KCNQ5: variants seen among roughly 807,000 people sequenced by gnomAD.
KCNQ5 encodes potassium voltage-gated channel subfamily KQT member 5.
A neutral mutation model predicts 98.2 loss-of-function variants in KCNQ5; 30 were observed. That is an observed-to-expected ratio of 0.31 (90% CI 0.23 to 0.41). The LOEUF is 0.41. Among genes scored for constraint, KCNQ5 ranks in the 10% least tolerant of loss-of-function variants. KCNQ5 has a pLI of 1.00. For missense variants in KCNQ5, 835 were observed against 1,182.5 expected, an observed-to-expected ratio of 0.71 and a Z score of 4.31; for synonymous variants, 458 against 449.4, an observed-to-expected ratio of 1.02 and a Z score of -0.24.
intron 1 of KCNQ5, among the ~76,000 whole-genome samples, chr6:72,715,215 GT>G (rs1769587350): frequency 1.3e-5 from 2 of 152,316 alleles, no homozygotes; most frequent in South Asian, 4.1e-4. Context: ...TTTCAGGCAA[GT>G]AATTGCAGGA....
intron 1 of KCNQ5, among the ~76,000 whole-genome samples, chr6:72,910,817 G>A (rs1462501093): frequency 6.6e-6 from 1 of 152,076 alleles, no homozygotes; most frequent in Non-Finnish European, 1.5e-5. Flanking sequence ...ATCTGACTTG[G>A]TACTCACTCT....
intron 1 of KCNQ5, among the ~76,000 whole-genome samples, chr6:72,872,136 A>G (rs1403650032): frequency 6.6e-6 from 1 of 152,240 alleles, no homozygotes; most frequent in African/African-American, 2.4e-5. Context: ...TAATAGCTTT[A>G]TCCAAACATG....
intron 1 of KCNQ5, among the ~76,000 whole-genome samples, chr6:72,687,913 A>G (rs1036372046): frequency 1.4e-5 from 2 of 145,438 alleles, no homozygotes; most frequent in Admixed American, 1.4e-4. Context: ...ATGTCGGCTC[A>G]TTGCAACCTC....
At chr6:73,155,442 T>C (rs939393020) in intron 10 of KCNQ5, among the ~76,000 whole-genome samples, 1 of 152,126 alleles carries the variant, frequency 6.6e-6, no homozygotes, top group Admixed American at 6.5e-5. Flanking sequence ...GTGTAGACGA[T>C]ACCCCTTGGG....
intron 1 of KCNQ5, among the ~76,000 whole-genome samples, chr6:72,667,953 G>T (rs1479726553): frequency 6.6e-6 from 1 of 152,182 alleles, no homozygotes; most frequent in African/African-American, 2.4e-5. Context: ...AGATTAAGGA[G>T]ATATGACGAA....
chr6:72,877,766 A>C (rs4591808), intron 1 of KCNQ5, among the ~76,000 whole-genome samples: 75,875 of 151,998 alleles, frequency 0.5, 19,145 homozygotes, highest in East Asian at 0.61. Flanking sequence ...TTCTAACTGG[A>C]ATGAGATGGT....
At chr6:72,725,380 G>A (rs1770211825) in intron 1 of KCNQ5, among the ~76,000 whole-genome samples, 1 of 152,090 alleles carries the variant, frequency 6.6e-6, no homozygotes, top group African/African-American at 2.4e-5. Context: ...GAATTCCACA[G>A]ATTAATTTAA....
At chr6:72,838,673 G>T (rs889175152) in intron 1 of KCNQ5, among the ~76,000 whole-genome samples, 1 of 152,018 alleles carries the variant, frequency 6.6e-6, no homozygotes, top group African/African-American at 2.4e-5. Context: ...AGCTGAGGCC[G>T]GGCGCGGTGG....
chr6:72,941,593 T>C (rs1766301615), intron 1 of KCNQ5, among the ~76,000 whole-genome samples: 1 of 140,208 alleles, frequency 7.1e-6, no homozygotes, highest in Non-Finnish European at 1.5e-5. Context: ...CTCCCTTCCT[T>C]CCTCCCTTAA....
chr6:72,622,396 TGGC>T lies in KCNQ5; in HGVS notation c.216_218del (p.Gly74del), dbSNP rs1295423304. The stretch of plus-strand genomic sequence containing the variant: ...TGGGCACCCGCGCGGCCACGCTCGG[TGGC>T]GGCGGCGGTGGCCTGAGGGAGAGCC... On this transcript the variant is annotated inframe_deletion, in exon 1 of 14. Transcript: ENST00000370398. The surrounding 1 kb of genome is among the most constrained non-coding windows in gnomAD (Gnocchi z 6.0). The T allele has an allele frequency of 6.7e-7, 1 of 1,481,798 alleles. No homozygotes were observed. Among genetic ancestry groups the T allele is most frequent in the Non-Finnish European group, 9.0e-7 (1 of 1,116,156 alleles). The allele number at this position is 1,481,798 out of a possible 1,614,324, so 91.8% of individuals were successfully genotyped here. A position where few individuals can be genotyped will look rare whatever the true frequency, so the allele number is the denominator to read the frequency against.
intron 1 of KCNQ5, among the ~76,000 whole-genome samples, chr6:72,962,689 T>C (rs1189961962): frequency 6.6e-6 from 1 of 152,102 alleles, no homozygotes; most frequent in Non-Finnish European, 1.5e-5. Flanking sequence ...ATTTATAGAC[T>C]GTGTGGCAGC....
chr6:73,001,631 A>T (rs1486306932), intron 1 of KCNQ5, among the ~76,000 whole-genome samples: 2 of 152,196 alleles, frequency 1.3e-5, no homozygotes, highest in Non-Finnish European at 2.9e-5. Flanking sequence ...GGGAATATCC[A>T]GATAAGGGCT....
At chr6:72,968,274 T>C (rs1767713424) in intron 1 of KCNQ5, among the ~76,000 whole-genome samples, 1 of 152,174 alleles carries the variant, frequency 6.6e-6, no homozygotes, top group Non-Finnish European at 1.5e-5. Flanking sequence ...TCTCTTGGGA[T>C]AGTGGTGTTC....
chr6:72,671,798 A>G (rs1049897992), intron 1 of KCNQ5, among the ~76,000 whole-genome samples: 4 of 152,108 alleles, frequency 2.6e-5, no homozygotes, highest in Non-Finnish European at 5.9e-5. Context: ...ATAAATATAC[A>G]CATATATATC....
At chr6:72,719,331 C>A (rs1280264727) in intron 1 of KCNQ5, among the ~76,000 whole-genome samples, 2 of 152,352 alleles carry the variant, frequency 1.3e-5, no homozygotes, top group East Asian at 3.9e-4. Context: ...ATTCTACCTG[C>A]TGTTTCCAAA....
At chr6:73,063,133 G>A (rs1772856081) in intron 3 of KCNQ5, among the ~76,000 whole-genome samples, 1 of 152,140 alleles carries the variant, frequency 6.6e-6, no homozygotes, top group African/African-American at 2.4e-5. Context: ...GCCATCTCCA[G>A]TCTCCTTATA....
intron 3 of KCNQ5, among the ~76,000 whole-genome samples, chr6:73,060,489 C>T (rs1772728348): frequency 6.6e-6 from 1 of 151,922 alleles, no homozygotes; most frequent in South Asian, 2.1e-4. Flanking sequence ...TCTCTTAGAA[C>T]CTTGGAATCT....
chr6:73,029,887 A>G (rs1264668437), intron 2 of KCNQ5, among the ~76,000 whole-genome samples: 2 of 143,600 alleles, frequency 1.4e-5, no homozygotes, highest in Admixed American at 7.2e-5. Flanking sequence ...CTCCAGCGAC[A>G]GAGCCAGACT....
At chr6:72,779,462 A>C (rs769594915) in intron 1 of KCNQ5, among the ~76,000 whole-genome samples, 6 of 152,148 alleles carry the variant, frequency 3.9e-5, no homozygotes, top group Non-Finnish European at 7.4e-5. Context: ...TTCATACTTG[A>C]CTGTTATTTA....
Sources: gnomAD v4.1 joint callset for allele counts (sites outside exome capture counted in the v4.1 genomes callset) on GRCh38, gnomAD v4.1.1 for gene constraint, Gnocchi (gnomAD v3.1) non-coding constraint, MANE v1.5 for transcripts, NCBI Gene and HGNC (gene_info 2026-07-23, HGNC 2026-07-21) for gene names.